The following PRKCH variants were observed in gnomAD, a reference collection of about 807,000 sequenced individuals.
PRKCH encodes the protein protein kinase C eta type.
A neutral mutation model predicts 82.5 loss-of-function variants in PRKCH; 28 were observed. The ratio of observed to expected loss-of-function variants is 0.34; its 90% CI spans 0.25 to 0.47. PRKCH has a LOEUF of 0.47. Among genes scored for constraint, PRKCH ranks in the 20% least tolerant of loss-of-function variants. PRKCH has a pLI of 1.00. For synonymous variants in PRKCH, 322 were observed against 327.4 expected, an observed-to-expected ratio of 0.98 and a Z score of 0.18; for missense variants, 705 against 881.8, an observed-to-expected ratio of 0.80 and a Z score of 2.54.
At chr14:61,506,617 C>A (rs1887162110) in intron 10 of PRKCH, among the ~76,000 whole-genome samples, 1 of 152,180 alleles carries the variant, frequency 6.6e-6, no homozygotes, top group Non-Finnish European at 1.5e-5. Flanking sequence ...CAGCCCTGAA[C>A]TAACTGCCCT....
In PRKCH at chr14:61,210,792, G is replaced by C. The variant is rs868304454; in HGVS notation, c.-19+23124G>C. On this transcript the variant is annotated intron_variant, in intron 1 of 3. Coordinates refer to the PRKCH transcript ENST00000555185. The stretch of plus-strand genomic sequence containing the variant: ...TCTCTCTCTCTCTCTCTCTCTCTCT[G>C]TGTGTGTGTGTGTGTGTGTGTGCGT... Among the ~76,000 whole-genome samples, 416 of 131,440 alleles carry C rather than the reference G, an allele frequency of 3.2e-3. 3 individuals carry two copies. The highest frequency in any genetic ancestry group is 0.019 in the South Asian group (78 of 4,210). The allele number at this position is 131,440 out of a possible 152,430, so 86.2% of individuals were successfully genotyped here. A position where few individuals can be genotyped will look rare whatever the true frequency, so the allele number is the denominator to read the frequency against.
At chr14:61,391,616 C>T (rs77218592) in intron 2 of PRKCH, among the ~76,000 whole-genome samples, 1,701 of 151,914 alleles carry the variant, frequency 0.011, 19 homozygotes, top group African/African-American at 0.04. Context: ...GGTTTTGTGC[C>T]ATCTTTTAGT....
intron 2 of PRKCH, among the ~76,000 whole-genome samples, chr14:61,435,765 TG>T (rs1883649246): frequency 6.6e-6 from 1 of 152,128 alleles, no homozygotes; most frequent in South Asian, 2.1e-4. Context: ...GCTGTATATT[TG>T]GGAATCCTCA....
chr14:61,280,885 A>G lies in PRKCH; in HGVS notation c.-19+93217A>G. 6.4e-7 allele frequency: 1 copy of G among 1,556,448 alleles called. No individual in the cohort carries two copies. The highest frequency in any genetic ancestry group is 1.7e-4 in the Middle Eastern group (1 of 5,904). On this transcript the variant is annotated intron_variant, in intron 1 of 3. Coordinates refer to the PRKCH transcript ENST00000555185. This position sits in a 1 kb window ranked among gnomAD's most constrained non-coding sequence, Gnocchi z 5.0. ...CCAGGCGCACGAGCAGGGGGGCGGC[A>G]GCGCCCGGCCCTGGCCAGCCGCGGC... is the stretch of plus-strand genomic sequence containing the variant.
At chr14:61,440,430 G>A (rs988723845) in intron 2 of PRKCH, among the ~76,000 whole-genome samples, 1 of 152,230 alleles carries the variant, frequency 6.6e-6, no homozygotes, top group Non-Finnish European at 1.5e-5. Flanking sequence ...AACAAAAACT[G>A]AGGCAGGTAT....
intron 9 of PRKCH, among the ~76,000 whole-genome samples, chr14:61,472,965 G>A (rs1408629173): frequency 1.3e-5 from 2 of 152,192 alleles, no homozygotes; most frequent in East Asian, 3.8e-4. Flanking sequence ...ACAGTCAAAG[G>A]TCATGATAAC....
At chr14:61,217,393 C>T (rs886312875) in intron 1 of PRKCH, among the ~76,000 whole-genome samples, 4 of 151,724 alleles carry the variant, frequency 2.6e-5, no homozygotes, top group African/African-American at 4.8e-5. Flanking sequence ...GCCTAGGTGA[C>T]GGAGCAAGAC....
intron 9 of PRKCH, among the ~76,000 whole-genome samples, chr14:61,461,607 A>G (rs1163831538): frequency 6.6e-6 from 1 of 152,210 alleles, no homozygotes; most frequent in Non-Finnish European, 1.5e-5. Context: ...TTGCAGCAGC[A>G]ATGGTTCCAA....
intron 1 of PRKCH, among the ~76,000 whole-genome samples, chr14:61,374,936 A>C (rs888254490): frequency 3.3e-5 from 5 of 152,000 alleles, no homozygotes; most frequent in Admixed American, 3.3e-4. Context: ...TTTCTACTGC[A>C]TGGTTGTACT....
intron 1 of PRKCH, among the ~76,000 whole-genome samples, 167 bp from the exon 2 acceptor site, chr14:61,391,058 T>C (rs1025664362): frequency 6.6e-6 from 1 of 152,242 alleles, no homozygotes; most frequent in Non-Finnish European, 1.5e-5. Flanking sequence ...TACAGTTTTT[T>C]GAGCTTTCAC....
chr14:61,488,452 A>G (rs913569106), intron 10 of PRKCH, among the ~76,000 whole-genome samples: 1 of 152,230 alleles, frequency 6.6e-6, no homozygotes, highest in Non-Finnish European at 1.5e-5. Flanking sequence ...CCGATGAATA[A>G]TTAGGTCTTC....
chr14:61,323,280 T>C (rs933263649), intron 1 of PRKCH, among the ~76,000 whole-genome samples: 2 of 152,172 alleles, frequency 1.3e-5, no homozygotes, highest in Non-Finnish European at 2.9e-5. Flanking sequence ...AGGCATAATT[T>C]CTGCTGTAAA....
At chr14:61,271,580 T>G (rs1367372507) in intron 1 of PRKCH, among the ~76,000 whole-genome samples, 2 of 152,258 alleles carry the variant, frequency 1.3e-5, no homozygotes, top group African/African-American at 4.8e-5. Context: ...GTTTGAATTC[T>G]GGCTCTCTAT....
intron 13 of PRKCH, among the ~76,000 whole-genome samples, chr14:61,548,665 G>T (rs1288411333): frequency 6.6e-6 from 1 of 151,506 alleles, no homozygotes; most frequent in Admixed American, 6.6e-5. Context: ...TTTGAGACTA[G>T]CCTGGCCAAC....
chr14:61,276,264 T>C (rs575565276), intron 1 of PRKCH, among the ~76,000 whole-genome samples: 1 of 152,094 alleles, frequency 6.6e-6, no homozygotes, highest in East Asian at 1.9e-4. Context: ...AAGAATGCCA[T>C]CTAAAATCAG....
At chr14:61,412,526 C>G (rs963028603) in intron 2 of PRKCH, among the ~76,000 whole-genome samples, 4 of 152,158 alleles carry the variant, frequency 2.6e-5, no homozygotes, top group Admixed American at 6.5e-5. Flanking sequence ...GTGGGGTCAT[C>G]CCTGCAGTGC....
At chr14:61,391,728 G>A (rs1172399251) in intron 2 of PRKCH, among the ~76,000 whole-genome samples, 1 of 152,064 alleles carries the variant, frequency 6.6e-6, no homozygotes, top group Non-Finnish European at 1.5e-5. Context: ...TTCATCTGTG[G>A]CTACCGTACT....
At chr14:61,376,241 T>C (rs569846400) in intron 1 of PRKCH, among the ~76,000 whole-genome samples, 2 of 152,210 alleles carry the variant, frequency 1.3e-5, no homozygotes, top group Non-Finnish European at 2.9e-5. Context: ...ACACCCTTCT[T>C]TCTGTTTTGC....
intron 2 of PRKCH, among the ~76,000 whole-genome samples, chr14:61,433,043 CAA>C (rs34477992): frequency 0.024 from 2,716 of 110,954 alleles, 105 homozygotes; most frequent in African/African-American, 0.077. Context: ...CCAACCTCTT[CAA>C]AAAAAAAAAA....
Sources: gnomAD v4.1 joint callset for allele counts (sites outside exome capture counted in the v4.1 genomes callset) on GRCh38, gnomAD v4.1.1 for gene constraint, Gnocchi (gnomAD v3.1) non-coding constraint, MANE v1.5 for transcripts, NCBI Gene and HGNC (gene_info 2026-07-23, HGNC 2026-07-21) for gene names.